XKR6: variants seen among roughly 807,000 people sequenced by gnomAD.
XKR6 encodes XK related 6.
Under a neutral mutation model 56.7 loss-of-function variants are expected in XKR6, and 22 were observed. That is an observed-to-expected ratio of 0.39 (90% CI 0.28 to 0.55). XKR6 has a LOEUF of 0.55. XKR6 is among the 20% of genes least tolerant of loss of function. The pLI, the probability that XKR6 is intolerant of heterozygous loss-of-function variation, is 0.66. For missense variants in XKR6, 852 were observed against 889.0 expected, an observed-to-expected ratio of 0.96 and a Z score of 0.53; for synonymous variants, 524 against 387.8, an observed-to-expected ratio of 1.35 and a Z score of -4.13.
chr8:11,177,849 AC>A (rs981310861), intron 1 of XKR6, among the ~76,000 whole-genome samples: 1 of 152,176 alleles, frequency 6.6e-6, no homozygotes, highest in African/African-American at 2.4e-5. Flanking sequence ...CTGTTGTTTA[AC>A]CCCACCCAGT....
intron 1 of XKR6, among the ~76,000 whole-genome samples, chr8:11,186,358 T>C (rs1357473698): frequency 1.3e-5 from 2 of 152,074 alleles, no homozygotes; most frequent in African/African-American, 2.4e-5. Context: ...TGAGTGGAAG[T>C]GATGTGTTTC....
intron 1 of XKR6, among the ~76,000 whole-genome samples, chr8:10,989,674 G>C (rs1297487079): frequency 6.6e-6 from 1 of 152,186 alleles, no homozygotes; most frequent in Non-Finnish European, 1.5e-5. Flanking sequence ...CTACCTCACA[G>C]AAGTTGTGAA....
intron 1 of XKR6, among the ~76,000 whole-genome samples, chr8:10,997,069 A>G (rs1407072866): frequency 6.6e-6 from 1 of 152,118 alleles, no homozygotes; most frequent in African/African-American, 2.4e-5. Context: ...AACCTTTCTC[A>G]TCGTCTGCAC....
intron 1 of XKR6, among the ~76,000 whole-genome samples, chr8:10,980,635 G>A (rs10109201): frequency 1.1e-4 from 17 of 152,098 alleles, no homozygotes; most frequent in African/African-American, 3.4e-4. Flanking sequence ...CATGTTACAC[G>A]GATCATGATT....
intron 1 of XKR6, among the ~76,000 whole-genome samples, chr8:10,935,730 T>C (rs1202901441): frequency 4.1e-5 from 6 of 147,522 alleles, no homozygotes; most frequent in Non-Finnish European, 7.5e-5. Flanking sequence ...TTCTTAATCC[T>C]GAGTTCTAGT....
chr8:10,999,327 AG>A (rs1798187481), intron 1 of XKR6, among the ~76,000 whole-genome samples: 1 of 152,264 alleles, frequency 6.6e-6, no homozygotes, highest in African/African-American at 2.4e-5. Context: ...CTGTTGGCTA[AG>A]GAGATGCACA....
rs117481764 is a variant in XKR6, at chr8:10,902,283, G to A, written c.962-3367C>T. Among the ~76,000 whole-genome samples the A allele has an allele frequency of 7.3e-3, 1,112 of 152,316 alleles. 7 individuals carry two copies. The highest frequency in any genetic ancestry group is 0.017 in the Middle Eastern group (5 of 294). Reference sequence around the variant, plus strand: ...GAGCTAATGGCCAGCCCAGTTTTAAGTCTCTGCTTCATCTGTTCCTGACTT... The same window carrying A: ...GAGCTAATGGCCAGCCCAGTTTTAAATCTCTGCTTCATCTGTTCCTGACTT... On this transcript the variant is annotated intron_variant, in intron 2 of 2. Coordinates refer to ENST00000416569, the MANE Select transcript of XKR6 (RefSeq NM_173683.4).
At chr8:10,996,409 T>C (rs1480669134) in intron 1 of XKR6, among the ~76,000 whole-genome samples, 2 of 152,240 alleles carry the variant, frequency 1.3e-5, no homozygotes, top group African/African-American at 4.8e-5. Flanking sequence ...TGCTTTTATA[T>C]GTTCTGCTTT....
chr8:10,903,858 A>G (rs1800111390), intron 2 of XKR6, among the ~76,000 whole-genome samples: 1 of 152,136 alleles, frequency 6.6e-6, no homozygotes, highest in Non-Finnish European at 1.5e-5. Flanking sequence ...CCGCCGAGTG[A>G]TTCATCTTCA....
chr8:11,150,926 C>A (rs981925310), intron 1 of XKR6, among the ~76,000 whole-genome samples: 3 of 150,376 alleles, frequency 2.0e-5, no homozygotes, highest in Admixed American at 2.0e-4. Context: ...TTTCTTCTAT[C>A]TCCTCAAACC....
rs548475201 is a variant in XKR6, at chr8:11,130,752, T to G, written c.764+69824A>C. Among the ~76,000 whole-genome samples, 12 of 152,018 alleles carry G rather than the reference T, an allele frequency of 7.9e-5. No homozygotes were observed. In the South Asian group the frequency reaches 1.2e-3, roughly 16 times the overall value. On this transcript the variant is annotated intron_variant, in intron 1 of 2. Transcript: ENST00000416569. ...AGGGATATGCTGAACAAATAAGAAG[T>G]ACGACAGATGCCACACAGGGGGCCT...
intron 1 of XKR6, chr8:11,062,869 A>G (rs1799872360): frequency 2.2e-6 from 1 of 456,054 alleles, no homozygotes; most frequent in African/African-American, 2.0e-5. Context: ...GGTGAGTGGA[A>G]GTGGGTGTCC....
chr8:10,977,504 C>A (rs1223281527), intron 1 of XKR6, among the ~76,000 whole-genome samples: 2 of 151,402 alleles, frequency 1.3e-5, no homozygotes, highest in African/African-American at 4.9e-5. Flanking sequence ...AAATTACAAC[C>A]CTGGATGCAA....
intron 1 of XKR6, among the ~76,000 whole-genome samples, chr8:11,070,873 C>T (rs533497556): frequency 1.3e-5 from 2 of 152,172 alleles, no homozygotes; most frequent in South Asian, 4.1e-4. Context: ...GCCCGCTGCC[C>T]CTCATTCCTC....
intron 1 of XKR6, among the ~76,000 whole-genome samples, chr8:11,151,678 T>C (rs1801275377): frequency 6.6e-6 from 1 of 151,966 alleles, no homozygotes; most frequent in Non-Finnish European, 1.5e-5. Flanking sequence ...ACGATCCATT[T>C]GTCAGTCTTT....
At chr8:11,128,174 C>T (rs1018700072) in intron 1 of XKR6, among the ~76,000 whole-genome samples, 1 of 152,172 alleles carries the variant, frequency 6.6e-6, no homozygotes, top group African/African-American at 2.4e-5. Context: ...GCTTTTTCTA[C>T]TAGAAACAGG....
intron 1 of XKR6, among the ~76,000 whole-genome samples, chr8:11,166,563 C>T (rs1361571664): frequency 6.6e-6 from 1 of 151,964 alleles, no homozygotes; most frequent in Non-Finnish European, 1.5e-5. Context: ...TTTATTTAAT[C>T]TAATATTTAT....
chr8:10,938,566 C>G lies in XKR6; in HGVS notation c.765-13736G>C, dbSNP rs192748572. Among the ~76,000 whole-genome samples, 355 of 152,328 alleles carry G rather than the reference C, an allele frequency of 2.3e-3. 3 individuals carry two copies. The highest frequency in any genetic ancestry group is 5.4e-3 in the South Asian group (26 of 4,830). ...ACACACAACAACCTGGATGAATCTC[C>G]AAGGCATTATCCTAAAGGAGTGAAG... On this transcript the variant is annotated intron_variant, in intron 1 of 2. Transcript: ENST00000416569.
At chr8:11,126,711 G>A (rs954257429) in intron 1 of XKR6, among the ~76,000 whole-genome samples, 3 of 152,174 alleles carry the variant, frequency 2.0e-5, no homozygotes, top group African/African-American at 4.8e-5. Flanking sequence ...CATCTCTGGA[G>A]TCAGTTTCAA....
Sources: gnomAD v4.1 joint callset for allele counts (sites outside exome capture counted in the v4.1 genomes callset) on GRCh38, gnomAD v4.1.1 for gene constraint, MANE v1.5 for transcripts, NCBI Gene and HGNC (gene_info 2026-07-23, HGNC 2026-07-21) for gene names.